The following RAB11FIP3 variants were observed in gnomAD, a reference collection of about 807,000 sequenced individuals.
RAB11FIP3 encodes the protein RAB11 family interacting protein 3.
RAB11FIP3 carries 17 observed loss-of-function variants against 77.8 expected under a neutral mutation model. That is an observed-to-expected ratio of 0.22 (90% CI 0.15 to 0.33). The LOEUF (loss-of-function observed/expected upper bound fraction) is 0.33. RAB11FIP3 is among the 10% of genes least tolerant of loss of function. The pLI, the probability that RAB11FIP3 is intolerant of heterozygous loss-of-function variation, is 1.00. For synonymous variants in RAB11FIP3, 437 were observed against 448.2 expected, an observed-to-expected ratio of 0.98 and a Z score of 0.31; for missense variants, 1,005 against 1,011.2, an observed-to-expected ratio of 0.99 and a Z score of 0.08.
chr16:441,266 C>G (rs1442240193), intron 1 of RAB11FIP3, among the ~76,000 whole-genome samples: 1 of 152,192 alleles, frequency 6.6e-6, no homozygotes, highest in African/African-American at 2.4e-5. Flanking sequence ...CAAGCCTGTT[C>G]CTGATCACTC....
intron 1 of RAB11FIP3, among the ~76,000 whole-genome samples, chr16:438,944 C>A (rs534853405): frequency 1.3e-5 from 2 of 152,150 alleles, no homozygotes; most frequent in Non-Finnish European, 2.9e-5. Context: ...CGCCTTGGCA[C>A]CCAAAGTGCT....
chr16:468,827 T>C lies in RAB11FIP3; in HGVS notation c.809-2468T>C, dbSNP rs374799592. Among the ~76,000 whole-genome samples, 16 of 152,310 alleles carry C rather than the reference T, an allele frequency of 1.1e-4. No individual in the cohort carries two copies. The East Asian group carries it at 2.5e-3, about 24-fold the overall frequency. Reference sequence around the variant, plus strand: ...TTAGTTTTTATAAGGAAAACTAATATGAGAATGGTATTTAGGTCCTACCAA... The same window carrying C: ...TTAGTTTTTATAAGGAAAACTAATACGAGAATGGTATTTAGGTCCTACCAA... On this transcript the variant is annotated intron_variant, in intron 2 of 13. Coordinates refer to ENST00000262305, the MANE Select transcript of RAB11FIP3 (RefSeq NM_014700.4).
At chr16:432,292 G>A (rs1185403006) in intron 1 of RAB11FIP3, among the ~76,000 whole-genome samples, 9 of 151,908 alleles carry the variant, frequency 5.9e-5, no homozygotes, top group South Asian at 2.1e-4. Context: ...CAGGAGAATC[G>A]CTTGAACCTG....
In RAB11FIP3 at chr16:507,112, C is replaced by CTT. The variant is rs565807928; in HGVS notation, c.1499+1502_1499+1503dup. Among the ~76,000 whole-genome samples the CTT allele has an allele frequency of 4.2e-4, 58 of 136,520 alleles. No individual in the cohort carries two copies. Among genetic ancestry groups the CTT allele is most frequent in the South Asian group, 7.0e-4 (3 of 4,266 alleles). 89.6% of individuals were successfully genotyped at this position (136,520 alleles called of 152,430 possible). ...TACAGGTGTGCACCACCACACCCAG[C>CTT]TTTTTTTTTTTTTTTTTTGAGACGG... On this transcript the variant is annotated intron_variant, in intron 8 of 13. Transcript: ENST00000262305. This position sits in a 1 kb window ranked among gnomAD's most constrained non-coding sequence, Gnocchi z 4.6.
At chr16:478,413 G>A (rs1370704899) in intron 3 of RAB11FIP3, among the ~76,000 whole-genome samples, 4 of 151,772 alleles carry the variant, frequency 2.6e-5, no homozygotes, top group Admixed American at 2.0e-4. Context: ...GGCTGGTCTC[G>A]AACTCCTGAC....
Position 505,770 on chromosome 16 carries a change from C to T in RAB11FIP3, c.1499+143C>T. On this transcript the variant is annotated intron_variant, in intron 8 of 13. Transcript: ENST00000262305. The surrounding 1 kb of genome is among the most constrained non-coding windows in gnomAD (Gnocchi z 4.0). ...TTGGAAGCCGGCTGAGGGGGTGGTG[C>T]CAGGTGGTCATCTGAGCCTACCCAG... The T allele has an allele frequency of 1.4e-6, 1 of 719,580 alleles. No homozygotes were observed. Among genetic ancestry groups the T allele is most frequent in the Non-Finnish European group, 2.2e-6 (1 of 444,518 alleles). The allele number at this position is 719,580 out of a possible 1,614,324, so 44.6% of individuals were successfully genotyped here.
chr16:461,319 C>T lies in RAB11FIP3; in HGVS notation c.715-85C>T. 1 of 1,054,984 alleles carries T rather than the reference C, an allele frequency of 9.5e-7. No homozygotes were observed. The highest frequency in any genetic ancestry group is 1.4e-6 in the Non-Finnish European group (1 of 709,524). 65.4% of individuals were successfully genotyped at this position (1,054,984 alleles called of 1,614,324 possible). ...TTCCCCGTTCCCAGCAGGCCACACA[C>T]CAGATCTCTCCCAGTCCGAGGTCCA... On this transcript the variant is annotated intron_variant, in intron 1 of 13. Transcript: ENST00000262305. The surrounding 1 kb of genome is among the most constrained non-coding windows in gnomAD (Gnocchi z 4.5).
chr16:464,708 C>T (rs1444729018), intron 2 of RAB11FIP3, among the ~76,000 whole-genome samples: 3 of 152,130 alleles, frequency 2.0e-5, no homozygotes, highest in Admixed American at 1.3e-4. Context: ...CCAGCCTGGG[C>T]AACATAGTGA....
At chr16:478,759 A>G (rs1313394292) in intron 3 of RAB11FIP3, among the ~76,000 whole-genome samples, 1 of 152,062 alleles carries the variant, frequency 6.6e-6, no homozygotes, top group Non-Finnish European at 1.5e-5. Flanking sequence ...TGAGGCCAGG[A>G]GTTCAAGACC....
At chr16:488,162 C>T (rs1470146028) in intron 4 of RAB11FIP3, among the ~76,000 whole-genome samples, 8 of 152,276 alleles carry the variant, frequency 5.3e-5, no homozygotes, top group East Asian at 1.9e-4. Flanking sequence ...GGGTGGATCA[C>T]GAGGTCAGGA....
At chr16:476,817 A>G (rs966635909) in intron 3 of RAB11FIP3, among the ~76,000 whole-genome samples, 19 of 149,806 alleles carry the variant, frequency 1.3e-4, no homozygotes, top group African/African-American at 4.7e-4. Context: ...TAGGCTGGGC[A>G]TGGTGGCTCA....
chr16:492,724 G>C (rs61324938), intron 5 of RAB11FIP3, among the ~76,000 whole-genome samples: 15,310 of 152,166 alleles, frequency 0.1, 843 homozygotes, highest in East Asian at 0.2. Flanking sequence ...GTGCAAGCAT[G>C]TCATCTCCGT....
chr16:519,625 C>A, intron 10 of RAB11FIP3, 129 bp from the exon 11 acceptor site: 1 of 1,257,592 alleles, frequency 8.0e-7, no homozygotes, highest in Non-Finnish European at 1.1e-6. Context: ...AGCCCTGTCG[C>A]GCTCCAAGCA....
chr16:503,899 C>A (rs1448691191), intron 7 of RAB11FIP3, among the ~76,000 whole-genome samples: 2 of 151,138 alleles, frequency 1.3e-5, no homozygotes, highest in Non-Finnish European at 3.0e-5. Context: ...ACCCCCTCAC[C>A]TTCTGTGACC....
intron 6 of RAB11FIP3, among the ~76,000 whole-genome samples, chr16:500,527 C>A (rs2031440518): frequency 6.6e-6 from 1 of 151,066 alleles, no homozygotes; most frequent in South Asian, 2.1e-4. Context: ...CTAAAAAAAA[C>A]AATACAAAAA....
Position 427,185 on chromosome 16 carries a change from T to C in RAB11FIP3, c.714+465T>C, listed in dbSNP as rs368656621. Among the ~76,000 whole-genome samples the C allele has an allele frequency of 8.5e-5, 13 of 152,370 alleles. No individual in the cohort carries two copies. The South Asian group carries it at 2.1e-3, about 24-fold the overall frequency. On this transcript the variant is annotated intron_variant, in intron 1 of 13. Transcript: ENST00000262305. Reference sequence around the variant, plus strand: ...CCCAGACGCCTTGAGATCCTACTGATAGACACCTATTTTGAGTACAATTAC... The same window carrying C: ...CCCAGACGCCTTGAGATCCTACTGACAGACACCTATTTTGAGTACAATTAC...
At chr16:482,421 C>G (rs760603180) in intron 3 of RAB11FIP3, 104 bp from the exon 4 acceptor site, 42 of 1,060,292 alleles carry the variant, frequency 4.0e-5, no homozygotes, top group Non-Finnish European at 6.2e-5. Context: ...TCAGACCCCT[C>G]CCTCCACACT....
chr16:432,960 A>C (rs895447007), intron 1 of RAB11FIP3, among the ~76,000 whole-genome samples: 1 of 144,990 alleles, frequency 6.9e-6, no homozygotes, highest in African/African-American at 2.6e-5. Context: ...GGATGGGTAC[A>C]TGTGGTATTT....
In RAB11FIP3 at chr16:506,272, G is replaced by A. The variant is rs949113752; in HGVS notation, c.1499+645G>A. 5.3e-5 allele frequency among the ~76,000 whole-genome samples: 8 copies of A among 152,166 alleles called. No individual in the cohort carries two copies. The highest frequency in any genetic ancestry group is 1.7e-4 in the African/African-American group (7 of 41,428). ...CATGTTGTCTCATAGCCGATTTGCA[G>A]GACTGTTTCCGGTGCAAAGTAAGAT... On this transcript the variant is annotated intron_variant, in intron 8 of 13. Coordinates refer to ENST00000262305, the MANE Select transcript of RAB11FIP3 (RefSeq NM_014700.4). This position sits in a 1 kb window ranked among gnomAD's most constrained non-coding sequence, Gnocchi z 4.5.
Sources: allele counts gnomAD v4.1 joint callset (sites outside exome capture counted in the v4.1 genomes callset), GRCh38; gene constraint gnomAD v4.1.1; non-coding constraint Gnocchi (gnomAD v3.1); transcripts MANE v1.5; gene names NCBI Gene and HGNC (gene_info 2026-07-23, HGNC 2026-07-21).